Variants in TBC1D22B observed in about 807,000 individuals in gnomAD.
The protein encoded by TBC1D22B is chromosome 6 open reading frame 197.
TBC1D22B carries 32 observed loss-of-function variants against 69.1 expected under a neutral mutation model. The observed-to-expected ratio is 0.46, with a 90% CI of 0.35 to 0.62. The LOEUF (loss-of-function observed/expected upper bound fraction) is 0.62, where lower values mean the gene tolerates loss of function less well. Ranked by LOEUF, TBC1D22B falls within the 20% of genes least tolerant of loss-of-function variation. The pLI, the probability that TBC1D22B is intolerant of heterozygous loss-of-function variation, is 0.00. For missense variants in TBC1D22B, 462 were observed against 630.9 expected, an observed-to-expected ratio of 0.73 and a Z score of 2.87; for synonymous variants, 206 against 229.8, an observed-to-expected ratio of 0.90 and a Z score of 0.94.
At chr6:37,309,127 C>CTAGTA (rs1453249276) in intron 8 of TBC1D22B, among the ~76,000 whole-genome samples, 1 of 152,150 alleles carries the variant, frequency 6.6e-6, no homozygotes, top group African/African-American at 2.4e-5. Context: ...TCCTATGACA[C>CTAGTA]TAGTACTGAT....
chr6:37,291,613 G>A (rs1309397113), intron 8 of TBC1D22B, among the ~76,000 whole-genome samples: 2 of 152,148 alleles, frequency 1.3e-5, no homozygotes, highest in Admixed American at 1.3e-4. Context: ...GTGGTTTGAT[G>A]GTTTATTTGA....
At chr6:37,285,428 G>A (rs1459889382) in intron 6 of TBC1D22B, among the ~76,000 whole-genome samples, 1 of 148,654 alleles carries the variant, frequency 6.7e-6, no homozygotes, top group Non-Finnish European at 1.5e-5. Context: ...GGATTCAGGT[G>A]ATTCTCCTGC....
Position 37,331,493 on chromosome 6 carries a change from A to T in TBC1D22B, c.*321A>T, listed in dbSNP as rs1033239697. ...CAGGGTCTCACCTCACATTGTCCCTACAAGGACAGGCCCCAACTGATAACC... is the reference window on the plus strand; with the variant it reads ...CAGGGTCTCACCTCACATTGTCCCTTCAAGGACAGGCCCCAACTGATAACC... On this transcript the variant is annotated 3_prime_UTR_variant, in exon 13 of 13. Coordinates refer to ENST00000373491, the MANE Select transcript of TBC1D22B (RefSeq NM_017772.4). 4.4e-6 allele frequency: 1 copy of T among 228,974 alleles called. No individual in the cohort carries two copies. Among genetic ancestry groups the T allele is most frequent in the African/African-American group, 2.3e-5 (1 of 44,110 alleles). 14.2% of individuals were successfully genotyped at this position (228,974 alleles called of 1,614,324 possible).
At chr6:37,301,324 A>T (rs1423034002) in intron 8 of TBC1D22B, among the ~76,000 whole-genome samples, 1 of 152,204 alleles carries the variant, frequency 6.6e-6, no homozygotes, top group African/African-American at 2.4e-5. Context: ...ACAGAGTTGT[A>T]TGTCACCACA....
At position 37,313,070 on chromosome 6, in the gene TBC1D22B, G is replaced by C. The variant is rs751847778; in HGVS notation, c.1089+46G>C. The C allele has an allele frequency of 2.0e-5, 29 of 1,445,540 alleles. No homozygotes were observed. The South Asian group carries it at 3.0e-4, about 15-fold the overall frequency. The allele number at this position is 1,445,540 out of a possible 1,614,324, so 89.5% of individuals were successfully genotyped here. ...TGGGAACAAACGTCTAGGTCCAGAG[G>C]CTCCCAGCAGGGCTTTGGTTTCTTT... On this transcript the variant is annotated intron_variant, in intron 9 of 12. Coordinates refer to ENST00000373491, the MANE Select transcript of TBC1D22B (RefSeq NM_017772.4).
At chr6:37,261,930 A>C (rs966450489) in intron 1 of TBC1D22B, among the ~76,000 whole-genome samples, 3 of 144,234 alleles carry the variant, frequency 2.1e-5, no homozygotes, top group African/African-American at 7.6e-5. Context: ...GGGAAAAATA[A>C]AAAAGCTTTG....
rs2113798726 is a variant in TBC1D22B at position 37,331,824 on chromosome 6, T to G, written c.*652T>G. 1 of 152,702 alleles carries G rather than the reference T, an allele frequency of 6.5e-6. No homozygotes were observed. The highest frequency in any genetic ancestry group is 2.4e-5 in the African/African-American group (1 of 41,548). The allele number at this position is 152,702 out of a possible 1,614,324, so 9.5% of individuals were successfully genotyped here. ...TGTATACATGCCCATCAGCATTTAG[T>G]CACATGTCTGAATTTCTGTGTCCAG... is the stretch of plus-strand genomic sequence containing the variant. On this transcript the variant is annotated 3_prime_UTR_variant, in exon 13 of 13. Transcript: ENST00000373491.
At chr6:37,262,031 CTTT>C (rs142500151) in intron 1 of TBC1D22B, among the ~76,000 whole-genome samples, 1 of 88,104 alleles carries the variant, frequency 1.1e-5, no homozygotes, top group Non-Finnish European at 2.2e-5. Context: ...AAAAAATCAC[CTTT>C]TTTTTTTTTT....
intron 2 of TBC1D22B, among the ~76,000 whole-genome samples, chr6:37,271,336 A>G (rs1418544133): frequency 1.3e-5 from 2 of 152,104 alleles, no homozygotes; most frequent in African/African-American, 2.4e-5. Flanking sequence ...AAACAAAACA[A>G]AACAAAAAAC....
chr6:37,261,944 AGTGTGTGTGTGTGTGTGTGTGTGTGTGT>A (rs70977641), intron 1 of TBC1D22B, among the ~76,000 whole-genome samples: 5 of 118,792 alleles, frequency 4.2e-5, no homozygotes, highest in Admixed American at 3.7e-4. Flanking sequence ...AGCTTTGGTC[AGTGTGTGTGTGTGTGTGTGTGTGTGTGT>A]GTGTGTGTGT....
At position 37,306,929 on chromosome 6, in the gene TBC1D22B, T is replaced by C. The variant is rs147340755; in HGVS notation, c.983-5989T>C. On this transcript the variant is annotated intron_variant, in intron 8 of 12. Coordinates refer to ENST00000373491, the MANE Select transcript of TBC1D22B (RefSeq NM_017772.4). Reference sequence around the variant, plus strand: ...ACCACCTCCCAGTGGGTCTCTTCTCTGTGGGAATCTCGAAATAAGTCTTTC... The same window carrying C: ...ACCACCTCCCAGTGGGTCTCTTCTCCGTGGGAATCTCGAAATAAGTCTTTC... Among the ~76,000 whole-genome samples, 69 of 152,326 alleles carry C rather than the reference T, an allele frequency of 4.5e-4. 2 individuals are homozygous for C. In the East Asian group the frequency reaches 8.3e-3, roughly 18 times the overall value.
At chr6:37,326,294 C>A (rs374845132) in intron 12 of TBC1D22B, among the ~76,000 whole-genome samples, 2 of 148,568 alleles carry the variant, frequency 1.3e-5, no homozygotes, top group South Asian at 2.1e-4. Context: ...GCAGGAGAAT[C>A]GCTTGAACCT....
At chr6:37,266,930 C>CTTTTTTTTTTTTTTTTTTTT (rs35702920) in intron 1 of TBC1D22B, among the ~76,000 whole-genome samples, 1 of 54,864 alleles carries the variant, frequency 1.8e-5, no homozygotes. Flanking sequence ...TTTTCTTCGT[C>CTTTTTTTTTTTTTTTTTTTT]TTTTTTTTTT....
At chr6:37,290,806 C>T (rs1767154252) in intron 7 of TBC1D22B, among the ~76,000 whole-genome samples, 1 of 151,696 alleles carries the variant, frequency 6.6e-6, no homozygotes, top group Non-Finnish European at 1.5e-5. Context: ...AAAGGTATTT[C>T]CTGTCTAAAT....
At chr6:37,301,507 G>T (rs147080164) in intron 8 of TBC1D22B, among the ~76,000 whole-genome samples, 1 of 152,232 alleles carries the variant, frequency 6.6e-6, no homozygotes, top group East Asian at 1.9e-4. Flanking sequence ...AGTCTTTTGT[G>T]TCTGGCTTCT....
intron 1 of TBC1D22B, among the ~76,000 whole-genome samples, chr6:37,260,155 G>A (rs913080757): frequency 6.6e-6 from 1 of 152,176 alleles, no homozygotes; most frequent in Admixed American, 6.5e-5. Flanking sequence ...TAGATAGAAA[G>A]GTACTTTGGT....
chr6:37,328,203 G>A (rs1031141564), intron 12 of TBC1D22B, among the ~76,000 whole-genome samples: 7 of 152,188 alleles, frequency 4.6e-5, no homozygotes, highest in Non-Finnish European at 8.8e-5. Context: ...TACTCGGGAG[G>A]CTGAGGCAGG....
chr6:37,290,590 C>G (rs1244506594), intron 7 of TBC1D22B, among the ~76,000 whole-genome samples: 1 of 152,080 alleles, frequency 6.6e-6, no homozygotes, highest in Non-Finnish European at 1.5e-5. Context: ...GGGGCCCTGG[C>G]TGGTTTCTCT....
At chr6:37,308,936 CTG>C (rs1283514646) in intron 8 of TBC1D22B, among the ~76,000 whole-genome samples, 14 of 83,782 alleles carry the variant, frequency 1.7e-4, no homozygotes, top group African/African-American at 5.2e-4. Flanking sequence ...TAGTAAGATC[CTG>C]TCTCTTAAAA....
Sources: gnomAD v4.1 joint callset for allele counts (sites outside exome capture counted in the v4.1 genomes callset) on GRCh38, gnomAD v4.1.1 for gene constraint, MANE v1.5 for transcripts, NCBI Gene and HGNC (gene_info 2026-07-23, HGNC 2026-07-21) for gene names.